The following CPLANE1 variants were observed in gnomAD, a reference collection of about 807,000 sequenced individuals.
CPLANE1 encodes ciliogenesis and planar polarity effector 1.
Under a neutral mutation model 362.5 loss-of-function variants are expected in CPLANE1, and 263 were observed. The ratio of observed to expected loss-of-function variants is 0.73; its 90% CI spans 0.66 to 0.80. The LOEUF (loss-of-function observed/expected upper bound fraction) is 0.80. Ranked by LOEUF, CPLANE1 falls within the 30% of genes least tolerant of loss-of-function variation. CPLANE1 has a pLI of 0.00. For missense variants in CPLANE1, 3,461 were observed against 3,793.4 expected (o/e 0.91, Z 2.30); for synonymous variants, 1,212 against 1,302.6 (o/e 0.93, Z 1.50).
chr5:37,120,105 C>T, intron 50 of CPLANE1, 111 bp downstream of exon 50: 1 of 1,123,656 alleles, frequency 8.9e-7, no homozygotes, highest in Non-Finnish European at 1.3e-6. Flanking sequence ...CTGTTCAAAT[C>T]AGAACTCCTT....
At chr5:37,126,223 A>G (rs1365646565) in intron 46 of CPLANE1, among the ~76,000 whole-genome samples, 1 of 152,126 alleles carries the variant, frequency 6.6e-6, no homozygotes, top group Admixed American at 6.6e-5. Flanking sequence ...TGGGTGACAG[A>G]GGGAGACTGT....
intron 9 of CPLANE1, among the ~76,000 whole-genome samples, chr5:37,228,146 C>T (rs1002284131): frequency 6.6e-6 from 1 of 151,954 alleles, no homozygotes; most frequent in African/African-American, 2.4e-5. Flanking sequence ...TTTCCTCTTA[C>T]CATATATTTA....
chr5:37,173,382 G>T (rs1780316551), intron 32 of CPLANE1, among the ~76,000 whole-genome samples: 1 of 152,168 alleles, frequency 6.6e-6, no homozygotes, highest in African/African-American at 2.4e-5. Flanking sequence ...ATCCCAAAGA[G>T]CTCAGTAAAA....
rs777301045 is a variant in CPLANE1, at chr5:37,170,203, T to C, written c.6300A>G (p.Leu2100=). ...VHLGESQESN[L]RGCGDVEDSN... is the part of the protein sequence containing the mutation. ...TGTCTTCAACATCACCACATCCTCT[T>C]AGGTTTGATTCTTGGCTTTCCCCTA... Residue 2100 remains leucine, a synonymous_variant, in exon 33 of 53, where the codon CTA becomes CTG. Coordinates refer to ENST00000651892, the MANE Select transcript of CPLANE1 (RefSeq NM_001384732.1). 3 of 1,614,050 alleles carry C rather than the reference T, an allele frequency of 1.9e-6. No homozygotes were observed.
rs570949649 is a variant in CPLANE1 at position 37,241,408 on chromosome 5, T to C, written c.678-1539A>G. ...AGGCAGAAGTTGCAGTGAGCCAAGA[T>C]TGCACCACCACACTCCAACCTGGGA... On this transcript the variant is annotated intron_variant, in intron 6 of 52. Coordinates refer to ENST00000651892, the MANE Select transcript of CPLANE1 (RefSeq NM_001384732.1). Among the ~76,000 whole-genome samples the C allele has an allele frequency of 3.0e-4, 45 of 152,020 alleles. 1 individual carries two copies. In the South Asian group the frequency reaches 8.3e-3, roughly 28 times the overall value.
chr5:37,139,393 T>A, intron 44 of CPLANE1, 23 bp from the exon 45 acceptor site: 1 of 1,143,842 alleles, frequency 8.7e-7, no homozygotes. Context: ...TCATTATTAA[T>A]AAAAATTTTG....
chr5:37,141,239 C>A, intron 44 of CPLANE1: 1 of 985,280 alleles, frequency 1.0e-6, no homozygotes, highest in East Asian at 1.1e-4. Context: ...GCTTGGAATT[C>A]TCCCATGTTC....
intron 21 of CPLANE1, among the ~76,000 whole-genome samples, chr5:37,189,764 C>A (rs1020586958): frequency 6.6e-6 from 1 of 152,056 alleles, no homozygotes. Context: ...TTTGGGAGGA[C>A]GAGGTGGGTG....
chr5:37,160,671 CTTT>C (rs1328332570), intron 38 of CPLANE1, among the ~76,000 whole-genome samples: 5 of 138,548 alleles, frequency 3.6e-5, no homozygotes, highest in African/African-American at 8.1e-5. Flanking sequence ...AAAATAATGA[CTTT>C]TTTTTTTTTT....
chr5:37,184,655 G>GTGGCACTTATCATTCATATTATTAA, intron 25 of CPLANE1, 133 bp downstream of exon 25: 6 of 664,326 alleles, frequency 9.0e-6, no homozygotes, highest in Non-Finnish European at 1.5e-5. Flanking sequence ...AGTGGAGGGG[G>GTGGCACTTATCATTCATATTATTAA]TGGCACTTAT....
chr5:37,162,027 G>A (rs1776969722), intron 38 of CPLANE1, among the ~76,000 whole-genome samples: 1 of 152,152 alleles, frequency 6.6e-6, no homozygotes, highest in South Asian at 2.1e-4. Flanking sequence ...AAATTTGTCA[G>A]GAAACATTCC....
Position 37,209,371 on chromosome 5 carries a change from C to T in CPLANE1, c.2921-2946G>A. ...GGAGGAAGCTGACGGCTGATGATGG[C>T]TCAGTCCAACATGCTCCCCGTGGCT... On this transcript the variant is annotated intron_variant, in intron 16 of 52. Coordinates refer to ENST00000651892, the MANE Select transcript of CPLANE1 (RefSeq NM_001384732.1). The surrounding 1 kb of genome is among the most constrained non-coding windows in gnomAD (Gnocchi z 4.6). 1.9e-6 allele frequency: 2 copies of T among 1,071,754 alleles called. No individual in the cohort carries two copies. Among genetic ancestry groups the T allele is most frequent in the East Asian group, 4.7e-5 (2 of 42,154 alleles). 66.4% of individuals were successfully genotyped at this position (1,071,754 alleles called of 1,614,324 possible). A position where few individuals can be genotyped will look rare whatever the true frequency, so the allele number is the denominator to read the frequency against.
the CPLANE1 span, among the ~76,000 whole-genome samples, chr5:37,097,806 T>A: frequency 2.0e-5 from 3 of 152,148 alleles, no homozygotes; most frequent in Non-Finnish European, 4.4e-5. Context: ...CAAACAAAAA[T>A]GGAGAGGATT....
Position 37,221,385 on chromosome 5 carries a change from C to T in CPLANE1, c.2685G>A (p.Gln895=). 6.5e-7 allele frequency: 1 copy of T among 1,534,706 alleles called. No homozygotes were observed. Among genetic ancestry groups the T allele is most frequent in the South Asian group, 1.2e-5 (1 of 80,814 alleles). ...ACCATCTCAGGATTTCTCTTGCTAG[C>T]TGATCACACAATCCTTGAGCATCAT... is the stretch of plus-strand genomic sequence containing the variant. The part of the protein sequence containing the change: ...NLNDAQGLCD[Q]LAREILRWSQ... The change falls in exon 15 of 53, where the codon CAG becomes CAA. Residue 895 remains glutamine, a synonymous_variant. Transcript: ENST00000651892.
chr5:37,082,093 CAAA>C, the CPLANE1 span, among the ~76,000 whole-genome samples: 53 of 92,512 alleles, frequency 5.7e-4, no homozygotes, highest in East Asian at 0.014. Context: ...AACTCCGTAT[CAAA>C]AAAAAAAAAA....
rs759881074 is a variant in CPLANE1 at position 37,182,784 on chromosome 5, A to G, written c.5397T>C (p.Tyr1799=). 1.2e-6 allele frequency: 2 copies of G among 1,610,806 alleles called. No individual in the cohort carries two copies. Among genetic ancestry groups the G allele is most frequent in the African/African-American group, 1.3e-5 (1 of 74,722 alleles). ...CCTTAATAATGGCATTTTTTGCCTT[A>G]TATGTAGCAAAATAGGGTTGTTCCA... ...WLLEQPYFAT[Y]KAKNAIIKMV... Residue 1799 remains tyrosine, a synonymous_variant, in exon 26 of 53, where the codon TAT becomes TAC. Coordinates refer to ENST00000651892, the MANE Select transcript of CPLANE1 (RefSeq NM_001384732.1).
At position 37,187,846 on chromosome 5, in the gene CPLANE1, A is replaced by C; in HGVS notation, c.3812-4T>G. On this transcript the variant is annotated splice_region_variant and splice_polypyrimidine_tract_variant and intron_variant, in intron 21 of 52. Coordinates refer to ENST00000651892, the MANE Select transcript of CPLANE1 (RefSeq NM_001384732.1). ...GCACAAAGTTCTCTGAAGCAACCTA[A>C]AGCAGGAACACAAATATGAAAGAAA... is the stretch of plus-strand genomic sequence containing the variant. The C allele has an allele frequency of 6.2e-7, 1 of 1,604,824 alleles. No homozygotes were observed. Among genetic ancestry groups the C allele is most frequent in the Non-Finnish European group, 8.5e-7 (1 of 1,173,484 alleles).
chr5:37,155,875 T>C (rs191454156), intron 41 of CPLANE1, among the ~76,000 whole-genome samples: 11 of 152,340 alleles, frequency 7.2e-5, no homozygotes, highest in Non-Finnish European at 1.6e-4. Context: ...GTCTGTTCTA[T>C]GTGAATCTAA....
At position 37,187,498 on chromosome 5, in the gene CPLANE1, C is replaced by G. The variant is rs1232851059; in HGVS notation, c.3996G>C (p.Leu1332=). ...CCATATTAAAAAACCGAGAGAAAGGCAGCATTCTATAAGCCCATTCCACTG... is the reference window on the plus strand; with the variant it reads ...CCATATTAAAAAACCGAGAGAAAGGGAGCATTCTATAAGCCCATTCCACTG... ...LSAVEWAYRM[L]PFSRFFNMEE... is the part of the protein sequence containing the mutation. The change falls in exon 23 of 53, where the codon CTG becomes CTC. Residue 1332 remains leucine, a synonymous_variant. Coordinates refer to ENST00000651892, the MANE Select transcript of CPLANE1 (RefSeq NM_001384732.1). 3 of 1,613,660 alleles carry G rather than the reference C, an allele frequency of 1.9e-6. No individual in the cohort carries two copies.
Sources: allele counts gnomAD v4.1 joint callset (sites outside exome capture counted in the v4.1 genomes callset), GRCh38; gene constraint gnomAD v4.1.1; non-coding constraint Gnocchi (gnomAD v3.1); transcripts MANE v1.5; gene names NCBI Gene and HGNC (gene_info 2026-07-23, HGNC 2026-07-21).